The following RNF40 variants were observed in gnomAD, a reference collection of about 807,000 sequenced individuals.
The protein encoded by RNF40 is E3 ubiquitin-protein ligase BRE1B.
A neutral mutation model predicts 123.3 loss-of-function variants in RNF40; 39 were observed. That is an observed-to-expected ratio of 0.32 (90% CI 0.24 to 0.41). RNF40 has a LOEUF of 0.41. Ranked by LOEUF, RNF40 falls within the 10% of genes least tolerant of loss-of-function variation. The pLI is 1.00. For synonymous variants in RNF40, 538 were observed against 526.0 expected, an observed-to-expected ratio of 1.02 and a Z score of -0.31; for missense variants, 1,003 against 1,319.9, an observed-to-expected ratio of 0.76 and a Z score of 3.72.
rs1248859097 is a variant in RNF40 at position 30,772,136 on chromosome 16, G to A, written c.2775G>A (p.Val925=). 2 of 1,555,144 alleles carry A rather than the reference G, an allele frequency of 1.3e-6. No individual in the cohort carries two copies. Among genetic ancestry groups the A allele is most frequent in the East Asian group, 2.4e-5 (1 of 41,096 alleles). Residue 925 remains valine, a synonymous_variant, in exon 19 of 20, where the codon GTG becomes GTA. Coordinates refer to ENST00000324685, the MANE Select transcript of RNF40 (RefSeq NM_014771.4). ...GCAAGCTGGAAAAGCAGAGGAAGGT[G>A]GAGGTCTACGCAGATGCCGACGAAA... ...LRRKLEKQRK[V]EVYADADEIL...
chr16:30,767,347 G>C (rs1466090293), intron 11 of RNF40, among the ~76,000 whole-genome samples: 1 of 152,190 alleles, frequency 6.6e-6, no homozygotes, highest in Non-Finnish European at 1.5e-5. Flanking sequence ...AGCAGAAAAG[G>C]AAGATAGGAA....
intron 8 of RNF40, among the ~76,000 whole-genome samples, 195 bp downstream of exon 8, chr16:30,765,694 G>T (rs575959601): frequency 2.6e-5 from 4 of 152,268 alleles, no homozygotes; most frequent in Non-Finnish European, 5.9e-5. Context: ...GCATATTGGC[G>T]AGAACAAAAT....
chr16:30,761,741 T>C, upstream of RNF40: 5 of 1,522,716 alleles, frequency 3.3e-6, no homozygotes, highest in African/African-American at 1.4e-5. Flanking sequence ...GGTCTTGCGG[T>C]TGAGCATCTC....
Position 30,775,074 on chromosome 16 carries a change from C to T in RNF40, c.*960C>T, listed in dbSNP as rs569250802. The T allele has an allele frequency of 9.0e-5, 41 of 456,126 alleles. No homozygotes were observed. The highest frequency in any genetic ancestry group is 2.3e-4 in the Admixed American group (10 of 42,556). 28.3% of individuals were successfully genotyped at this position (456,126 alleles called of 1,614,324 possible). A position where few individuals can be genotyped will look rare whatever the true frequency, so the allele number is the denominator to read the frequency against. ...CTCCATCGGCTGTGAGGGCAGTGCC[C>T]GGAGAGGCCAGAGGGTTGGAGCTGC... On this transcript the variant is annotated 3_prime_UTR_variant, in exon 20 of 20. Transcript: ENST00000324685.
At chr16:30,763,364 C>T in intron 3 of RNF40, 54 bp from the exon 4 acceptor site, 1 of 1,605,254 alleles carries the variant, frequency 6.2e-7, no homozygotes. Flanking sequence ...AAAGGAGTAT[C>T]ATGTTGGAAA....
At chr16:30,772,933 C>G (rs779409330) in intron 19 of RNF40, among the ~76,000 whole-genome samples, 1 of 152,014 alleles carries the variant, frequency 6.6e-6, no homozygotes, top group Admixed American at 6.6e-5. Context: ...TGCTTGGACT[C>G]GGGGGTGGAT....
intron 7 of RNF40, 39 bp downstream of exon 7, chr16:30,765,366 GC>G (rs1269250851): frequency 2.5e-6 from 4 of 1,613,972 alleles, no homozygotes; most frequent in Non-Finnish European, 3.4e-6. Flanking sequence ...GCAAGGCTGG[GC>G]CCTTGGGCCT....
At position 30,775,458 on chromosome 16, in the gene RNF40, C is replaced by T. The variant is rs1211894849; in HGVS notation, c.*1344C>T. 4 of 185,856 alleles carry T rather than the reference C, an allele frequency of 2.2e-5. No individual in the cohort carries two copies. Among genetic ancestry groups the T allele is most frequent in the African/African-American group, 9.5e-5 (4 of 42,226 alleles). 11.5% of individuals were successfully genotyped at this position (185,856 alleles called of 1,614,324 possible). On this transcript the variant is annotated 3_prime_UTR_variant, in exon 20 of 20. Transcript: ENST00000324685. ...GGCTGCATCCTGGGAAGTGTAGTTC[C>T]TGGTCCGCACATGGTTAGGAGGTTC... is the stretch of plus-strand genomic sequence containing the variant.
upstream of RNF40, chr16:30,761,899 G>T: frequency 1.3e-6 from 1 of 761,324 alleles, no homozygotes; most frequent in Admixed American, 3.0e-5. Context: ...GCGAATCCGT[G>T]GGGGCGTCTC....
At chr16:30,761,703 A>C (rs1341306272), upstream of RNF40, 3 of 1,533,662 alleles carry the variant, frequency 2.0e-6, no homozygotes, top group Non-Finnish European at 2.6e-6. Context: ...TCAAGCTCCG[A>C]CTGCACCCTC....
intron 19 of RNF40, chr16:30,772,391 G>T (rs2054163945): frequency 1.5e-6 from 1 of 657,794 alleles, no homozygotes; most frequent in South Asian, 1.6e-5. Flanking sequence ...TGGGTTGGGA[G>T]GCTAGGAACT....
At chr16:30,762,453 C>A (rs1477553716) in intron 1 of RNF40, 22 bp from the exon 2 acceptor site, 14 of 1,344,910 alleles carry the variant, frequency 1.0e-5, no homozygotes, top group African/African-American at 3.0e-5. Context: ...GTTCCCACAT[C>A]TCTGCTCTGT....
At chr16:30,761,886 G>A, upstream of RNF40, 1 of 869,838 alleles carries the variant, frequency 1.1e-6, no homozygotes, top group Non-Finnish European at 1.7e-6. Context: ...GAGGCGCGGC[G>A]GGGCGAATCC....
intron 17 of RNF40, 105 bp from the exon 18 acceptor site, chr16:30,771,728 C>T (rs1345887303): frequency 7.7e-6 from 10 of 1,300,838 alleles, no homozygotes; most frequent in Non-Finnish European, 1.0e-5. Context: ...AGCTCCAGGG[C>T]AGGTGTCACT....
chr16:30,774,264 A>G lies in RNF40; in HGVS notation c.*150A>G, dbSNP rs1464198736. The stretch of plus-strand genomic sequence containing the variant: ...CTAGTTGGTTTGGGGACCCTGGTGC[A>G]TGCTAGTGGGCATGGGATCAGCCAA... On this transcript the variant is annotated 3_prime_UTR_variant, in exon 20 of 20. Transcript: ENST00000324685. 1 of 738,632 alleles carries G rather than the reference A, an allele frequency of 1.4e-6. No individual in the cohort carries two copies. The highest frequency in any genetic ancestry group is 2.2e-6 in the Non-Finnish European group (1 of 464,330). 45.8% of individuals were successfully genotyped at this position (738,632 alleles called of 1,614,324 possible). A position where few individuals can be genotyped will look rare whatever the true frequency, so the allele number is the denominator to read the frequency against.
At position 30,764,277 on chromosome 16, in the gene RNF40, C is replaced by T. The variant is rs770749895; in HGVS notation, c.541C>T (p.Leu181=). ...CAGCAGTGAGGAGGTGGAGCTGGAG[C>T]TGCAAGGCCGAATGGAGTTCTCCAA... ...ASSSEEVELE[L]QGRMEFSKAA... is the part of the protein sequence containing the mutation. Residue 181 remains leucine, a synonymous_variant, in exon 5 of 20, where the codon CTG becomes TTG. Transcript: ENST00000324685. 4.3e-6 allele frequency: 7 copies of T among 1,613,544 alleles called. No individual in the cohort carries two copies. The highest frequency in any genetic ancestry group is 5.9e-6 in the Non-Finnish European group (7 of 1,179,784).
chr16:30,768,786 C>G lies in RNF40; in HGVS notation c.2097+50C>G. On this transcript the variant is annotated intron_variant, in intron 14 of 19. Transcript: ENST00000324685. The surrounding 1 kb of genome is among the most constrained non-coding windows in gnomAD (Gnocchi z 4.1). ...GCATTCAGAAAGGCAGAGCAGAGTC[C>G]TAGCTCAGCAGGAAGCAGTGTCAAG... 1.2e-6 allele frequency: 2 copies of G among 1,613,834 alleles called. No homozygotes were observed. The highest frequency in any genetic ancestry group is 1.7e-6 in the Non-Finnish European group (2 of 1,179,838).
At chr16:30,763,063 T>C in intron 2 of RNF40, 55 bp from the exon 3 acceptor site, 1 of 1,583,188 alleles carries the variant, frequency 6.3e-7, no homozygotes, top group Non-Finnish European at 8.7e-7. Context: ...CTCTCTGTGA[T>C]TGGTTTGTGG....
In RNF40 at chr16:30,766,314, G is replaced by T; in HGVS notation, c.1113+32G>T. The T allele has an allele frequency of 1.2e-6, 2 of 1,613,968 alleles. No homozygotes were observed. Among genetic ancestry groups the T allele is most frequent in the Non-Finnish European group, 1.7e-6 (2 of 1,179,882 alleles). On this transcript the variant is annotated intron_variant, in intron 9 of 19. Coordinates refer to ENST00000324685, the MANE Select transcript of RNF40 (RefSeq NM_014771.4). The surrounding 1 kb of genome is among the most constrained non-coding windows in gnomAD (Gnocchi z 5.4). The stretch of plus-strand genomic sequence containing the variant: ...TGCTGTAGGGGCTGAGAGGTCCTGG[G>T]CCTGTAAGGGAGGGACTGAGCCCTG...
Sources: allele counts gnomAD v4.1 joint callset (sites outside exome capture counted in the v4.1 genomes callset), GRCh38; gene constraint gnomAD v4.1.1; non-coding constraint Gnocchi (gnomAD v3.1); transcripts MANE v1.5; gene names NCBI Gene and HGNC (gene_info 2026-07-23, HGNC 2026-07-21).